ASB1: variants seen among roughly 807,000 people sequenced by gnomAD.
ASB1 encodes the protein ankyrin repeat and SOCS box protein 1.
In ASB1, 18 loss-of-function variants were observed where a neutral mutation model predicts 27.7. The observed-to-expected ratio is 0.65, with a 90% CI of 0.45 to 0.96. The LOEUF is 0.96. Among genes scored for constraint, ASB1 ranks in the 50% least tolerant of loss-of-function variants. The probability of loss-of-function intolerance (pLI) is 0.00; values close to 1 mark genes in which losing one functional copy is unlikely to be tolerated. For missense variants in ASB1, 397 were observed against 451.7 expected (o/e 0.88, Z 1.10); for synonymous variants, 189 against 187.6 (o/e 1.01, Z -0.06).
rs1467197494 is a variant in ASB1, at chr2:238,444,715, A to C, written c.868A>C (p.Lys290Gln). The C allele has an allele frequency of 1.2e-6, 2 of 1,610,764 alleles. No homozygotes were observed. The highest frequency in any genetic ancestry group is 1.1e-5 in the South Asian group (1 of 90,770). Reference sequence around the variant, plus strand: ...GGACCCTGAGGCCTTGCAGGTCTTTAAAGAGGCCAGAAGTAAGTGGCTTGA... The same window carrying C: ...GGACCCTGAGGCCTTGCAGGTCTTTCAAGAGGCCAGAAGTAAGTGGCTTGA... The part of the protein sequence containing the change: ...KVDPEALQVF[K>Q]EARSVPRTLL... Residue 290 changes from lysine (K) to glutamine (Q), a missense_variant, in exon 4 of 5, where the codon AAA (lysine) becomes CAA (glutamine). Lys to Gln is a moderately conservative substitution (Grantham distance 53). Coordinates refer to ENST00000264607, the MANE Select transcript of ASB1 (RefSeq NM_001040445.3).
chr2:238,441,905 C>T (rs1702085028), intron 3 of ASB1, among the ~76,000 whole-genome samples: 2 of 152,318 alleles, frequency 1.3e-5, no homozygotes, highest in South Asian at 4.1e-4. Flanking sequence ...TGACAGATTG[C>T]CCACTCCACA....
At chr2:238,433,076 C>CA (rs1394980449) in intron 1 of ASB1, among the ~76,000 whole-genome samples, 1 of 152,106 alleles carries the variant, frequency 6.6e-6, no homozygotes, top group African/African-American at 2.4e-5. Flanking sequence ...TAGGATCTTG[C>CA]ATCCGTATTC....
chr2:238,446,311 G>T, intron 4 of ASB1, 73 bp from the exon 5 acceptor site: 2 of 1,500,260 alleles, frequency 1.3e-6, no homozygotes, highest in Non-Finnish European at 1.8e-6. Context: ...GGCAGTCCCA[G>T]CTGCCTTTTC....
At position 238,433,539 on chromosome 2, in the gene ASB1, C is replaced by T. The variant is rs569248915; in HGVS notation, c.50-15C>T. 1.2e-6 allele frequency: 2 copies of T among 1,613,696 alleles called. No individual in the cohort carries two copies. The highest frequency in any genetic ancestry group is 1.3e-5 in the African/African-American group (1 of 75,048). ...GGCCTCCATGAGCTAACAGGAGCCC[C>T]TCTCTTCAGTGCAGGTCGTAATCTG... On this transcript the variant is annotated splice_polypyrimidine_tract_variant and intron_variant, in intron 1 of 4. Transcript: ENST00000264607.
intron 1 of ASB1, among the ~76,000 whole-genome samples, chr2:238,428,835 A>G (rs1701812777): frequency 6.6e-6 from 1 of 152,210 alleles, no homozygotes; most frequent in Non-Finnish European, 1.5e-5. Context: ...AGAGGCCAGC[A>G]GAGGGGGCCC....
intron 1 of ASB1, among the ~76,000 whole-genome samples, chr2:238,430,516 A>T (rs985631999): frequency 2.0e-5 from 3 of 152,198 alleles, no homozygotes; most frequent in African/African-American, 7.2e-5. Flanking sequence ...AAAGTCATCC[A>T]TGTGGGTTGG....
In ASB1 at chr2:238,451,802, G is replaced by A. The variant is rs1441444919; in HGVS notation, c.*5291G>A. ...TTCAACAGGTGGAAGTGTTGGTCGT[G>A]CGAAATCTTGGTATTCGCATTTCAA... On this transcript the variant is annotated 3_prime_UTR_variant, in exon 5 of 5. Transcript: ENST00000264607. The A allele has an allele frequency of 6.6e-6, 1 of 152,586 alleles. No individual in the cohort carries two copies. Among genetic ancestry groups the A allele is most frequent in the East Asian group, 1.9e-4 (1 of 5,204 alleles). 9.5% of individuals were successfully genotyped at this position (152,586 alleles called of 1,614,324 possible).
chr2:238,446,486 T>C lies in ASB1; in HGVS notation c.983T>C (p.Ile328Thr), dbSNP rs774492984. ...LIPSLPLPDPIKKFLLHE is the reference protein window; with the variant it reads ...LIPSLPLPDPTKKFLLHE ...CCTTCGCTGCCTCTGCCAGACCCCA[T>C]AAAGAAGTTTCTACTCCATGAGTAG... The change falls in exon 5 of 5, where the codon ATA becomes ACA. Residue 328 changes from isoleucine (I) to threonine (T), a missense_variant. Transcript: ENST00000264607. The C allele has an allele frequency of 6.2e-7, 1 of 1,614,100 alleles. No homozygotes were observed. Among genetic ancestry groups the C allele is most frequent in the Non-Finnish European group, 8.5e-7 (1 of 1,180,020 alleles).
At chr2:238,441,535 A>G (rs1009946703) in intron 3 of ASB1, among the ~76,000 whole-genome samples, 2 of 152,184 alleles carry the variant, frequency 1.3e-5, no homozygotes, top group African/African-American at 2.4e-5. Flanking sequence ...ATGGTTTACC[A>G]TAAGCACACT....
Position 238,426,970 on chromosome 2 carries a change from G to A in ASB1, c.-101G>A. 2 of 958,182 alleles carry A rather than the reference G, an allele frequency of 2.1e-6. No homozygotes were observed. The highest frequency in any genetic ancestry group is 2.7e-6 in the Non-Finnish European group (2 of 741,634). 59.4% of individuals were successfully genotyped at this position (958,182 alleles called of 1,614,324 possible). Reference sequence around the variant, plus strand: ...CCGCCGGAAGCCGCGACCCCGACGCGCCCCCCATTGCCCTCGGCGCCGGAA... The same window carrying A: ...CCGCCGGAAGCCGCGACCCCGACGCACCCCCCATTGCCCTCGGCGCCGGAA... On this transcript the variant is annotated 5_prime_UTR_variant, in exon 1 of 5. Coordinates refer to ENST00000264607, the MANE Select transcript of ASB1 (RefSeq NM_001040445.3).
chr2:238,434,906 G>A (rs763080926), intron 2 of ASB1, among the ~76,000 whole-genome samples: 20 of 152,184 alleles, frequency 1.3e-4, no homozygotes, highest in Non-Finnish European at 2.1e-4. Context: ...AGTGTTCCTC[G>A]ACTTTCCTGG....
intron 1 of ASB1, among the ~76,000 whole-genome samples, chr2:238,430,825 T>C (rs1701856986): frequency 6.6e-6 from 1 of 151,934 alleles, no homozygotes; most frequent in African/African-American, 2.4e-5. Context: ...ACTAGGCATA[T>C]TGTCAGCGAG....
intron 3 of ASB1, among the ~76,000 whole-genome samples, chr2:238,442,083 T>C (rs2106408675): frequency 6.6e-6 from 1 of 152,286 alleles, no homozygotes; most frequent in East Asian, 1.9e-4. Flanking sequence ...TGTGTTTTCA[T>C]GTGGCTAAGA....
chr2:238,440,951 G>T (rs945788101), intron 3 of ASB1, among the ~76,000 whole-genome samples: 1 of 152,146 alleles, frequency 6.6e-6, no homozygotes, highest in African/African-American at 2.4e-5. Flanking sequence ...GTGTGACGCT[G>T]CCCTGCCGAC....
At position 238,433,556 on chromosome 2, in the gene ASB1, C is replaced by G. The variant is rs754427741; in HGVS notation, c.52C>G (p.Arg18Gly). Residue 18 changes from arginine (R) to glycine (G), a missense_variant and splice_region_variant, in exon 2 of 5, where the codon CGT becomes GGT. Physicochemically the swap from Arg to Gly is moderately radical, Grantham distance 125. Coordinates refer to ENST00000264607, the MANE Select transcript of ASB1 (RefSeq NM_001040445.3). ...DGRAGPGSAG[R>G]NLKEWLREQF... ...AGGAGCCCCTCTCTTCAGTGCAGGT[C>G]GTAATCTGAAGGAGTGGCTGAGGGA... 7.4e-6 allele frequency: 12 copies of G among 1,613,874 alleles called. No individual in the cohort carries two copies. The highest frequency in any genetic ancestry group is 9.3e-6 in the Non-Finnish European group (11 of 1,179,978).
At chr2:238,427,896 G>A (rs934374289) in intron 1 of ASB1, among the ~76,000 whole-genome samples, 1 of 152,146 alleles carries the variant, frequency 6.6e-6, no homozygotes, top group East Asian at 1.9e-4. Context: ...TCTTTGGAGG[G>A]GTTCCTCTCC....
intron 3 of ASB1, among the ~76,000 whole-genome samples, chr2:238,442,161 G>A (rs1276032011): frequency 7.2e-6 from 1 of 139,684 alleles, no homozygotes; most frequent in Non-Finnish European, 1.5e-5. Context: ...TCGCTCTGTT[G>A]CCCAGGCTGG....
chr2:238,434,473 T>C (rs1701929939), intron 2 of ASB1, among the ~76,000 whole-genome samples: 6 of 152,240 alleles, frequency 3.9e-5, no homozygotes, highest in Admixed American at 3.9e-4. Context: ...GCCAGTGCGG[T>C]GGTAGAAGCA....
Position 238,445,928 on chromosome 2 carries a change from G to A in ASB1, c.881-456G>A, listed in dbSNP as rs558030959. 6.6e-5 allele frequency among the ~76,000 whole-genome samples: 10 copies of A among 152,324 alleles called. No individual in the cohort carries two copies. In the South Asian group the frequency reaches 1.9e-3, roughly 28 times the overall value. ...ACTTGGCTGCGCTCTTTTCATTGGG[G>A]GCAAAGTCGTCAGCCTGTGCCCCTC... is the stretch of plus-strand genomic sequence containing the variant. On this transcript the variant is annotated intron_variant, in intron 4 of 4. Coordinates refer to ENST00000264607, the MANE Select transcript of ASB1 (RefSeq NM_001040445.3).
Sources: allele counts gnomAD v4.1 joint callset (sites outside exome capture counted in the v4.1 genomes callset), GRCh38; gene constraint gnomAD v4.1.1; transcripts MANE v1.5; gene names NCBI Gene and HGNC (gene_info 2026-07-23, HGNC 2026-07-21).